Variants in CD5L observed in about 807,000 individuals in gnomAD.
The protein encoded by CD5L is CD5 molecule like, also known as CD5 antigen-like.
In CD5L, 39 loss-of-function variants were observed where a neutral mutation model predicts 40.8. That is an observed-to-expected ratio of 0.96 (90% CI 0.74 to 1.25). The LOEUF (loss-of-function observed/expected upper bound fraction) is 1.25. CD5L is among the 50% of genes most tolerant of loss of function. The pLI, the probability that CD5L is intolerant of heterozygous loss-of-function variation, is 0.00. For synonymous variants in CD5L, 192 were observed against 169.6 expected (o/e 1.13, Z -1.03); for missense variants, 433 against 435.9 (o/e 0.99, Z 0.06).
rs185358423 is a variant in CD5L at position 157,839,215 on chromosome 1, C to T, written c.55+169G>A. On this transcript the variant is annotated intron_variant, in intron 2 of 5. Coordinates refer to ENST00000368174, the MANE Select transcript of CD5L (RefSeq NM_005894.3). ...TAAACCACCCAAACCCTTCTAAATT[C>T]TGGAGGTGGAAATCTGCCCACACAA... Among the ~76,000 whole-genome samples, 402 of 152,282 alleles carry T rather than the reference C, an allele frequency of 2.6e-3. 2 individuals carry two copies. Among genetic ancestry groups the T allele is most frequent in the African/African-American group, 9.4e-3 (392 of 41,558 alleles).
intron 4 of CD5L, among the ~76,000 whole-genome samples, chr1:157,833,883 T>C (rs1391686139): frequency 2.0e-5 from 3 of 151,884 alleles, no homozygotes; most frequent in African/African-American, 7.3e-5. Flanking sequence ...AGTGCTGGTA[T>C]TATAGGCATG....
At position 157,831,659 on chromosome 1, in the gene CD5L, C is replaced by A; in HGVS notation, c.*305G>T. ...GACCAAAGTGACAGGTTTGAGGATTCCAGGCAGCTTGAGAAAAGGCAGGAA... is the reference window on the plus strand; with the variant it reads ...GACCAAAGTGACAGGTTTGAGGATTACAGGCAGCTTGAGAAAAGGCAGGAA... On this transcript the variant is annotated 3_prime_UTR_variant, in exon 6 of 6. Transcript: ENST00000368174. The A allele has an allele frequency of 1.7e-6, 2 of 1,174,088 alleles. No individual in the cohort carries two copies. Among genetic ancestry groups the A allele is most frequent in the South Asian group, 8.4e-5 (2 of 23,822 alleles). The allele number at this position is 1,174,088 out of a possible 1,614,324, so 72.7% of individuals were successfully genotyped here. A position where few individuals can be genotyped will look rare whatever the true frequency, so the allele number is the denominator to read the frequency against.
At position 157,834,847 on chromosome 1, in the gene CD5L, G is replaced by A. The variant is rs955086065; in HGVS notation, c.377-99C>T. 8 of 870,948 alleles carry A rather than the reference G, an allele frequency of 9.2e-6. No individual in the cohort carries two copies. In the African/African-American group the frequency reaches 1.2e-4, roughly 13 times the overall value. The allele number at this position is 870,948 out of a possible 1,614,324, so 54.0% of individuals were successfully genotyped here. A position where few individuals can be genotyped will look rare whatever the true frequency, so the allele number is the denominator to read the frequency against. The stretch of plus-strand genomic sequence containing the variant: ...CACATCTCACAGTTCTTGGTGTTCA[G>A]TACAAGGCATGCTAAAGTGCTTAAC... On this transcript the variant is annotated intron_variant, in intron 3 of 5. Coordinates refer to ENST00000368174, the MANE Select transcript of CD5L (RefSeq NM_005894.3).
chr1:157,829,595 A>G (rs764241946), downstream of CD5L, among the ~76,000 whole-genome samples: 1 of 152,228 alleles, frequency 6.6e-6, no homozygotes, highest in Non-Finnish European at 1.5e-5. Flanking sequence ...TCTGGTCCTT[A>G]TCTTTTCAGA....
chr1:157,836,800 A>C (rs1237473345), intron 2 of CD5L, among the ~76,000 whole-genome samples: 1 of 152,230 alleles, frequency 6.6e-6, no homozygotes, highest in Non-Finnish European at 1.5e-5. Flanking sequence ...TCTCAGGAGA[A>C]ATACAGAGCA....
chr1:157,834,423 C>T lies in CD5L; in HGVS notation c.702G>A (p.Thr234=), dbSNP rs74121553. The change falls in exon 4 of 6, where the codon ACG becomes ACA. Residue 234 remains threonine (T), a synonymous_variant. Transcript: ENST00000368174. ...AGGCATTACCTTCACATTCGACCCA[C>T]GTGTCTTCATCATGGTTGCAGGTGT... is the stretch of plus-strand genomic sequence containing the variant. ...GKNTCNHDED[T]WVECEDPFDL... 9 of 1,613,294 alleles carry T rather than the reference C, an allele frequency of 5.6e-6. No homozygotes were observed. Among genetic ancestry groups the T allele is most frequent in the South Asian group, 3.3e-5 (3 of 91,044 alleles).
In CD5L at chr1:157,833,308, A is replaced by T. The variant is rs1311034733; in HGVS notation, c.923T>A (p.Ile308Asn). The T allele has an allele frequency of 6.2e-7, 1 of 1,614,154 alleles. No homozygotes were observed. The change falls in exon 5 of 6, where the codon ATC becomes AAC. Residue 308 changes from isoleucine to asparagine, a missense_variant. Ile to Asn is a moderately radical substitution (Grantham distance 149, BLOSUM62 -3). Transcript: ENST00000368174. ...TGAGCAACGAACATTATCCAGCCAG[A>T]TGCGGCCAACCCCAGGGCCATAGCA... ...RKCYGPGVGRIWLDNVRCSGE... is the reference protein window; with the variant it reads ...RKCYGPGVGRNWLDNVRCSGE...
intron 3 of CD5L, among the ~76,000 whole-genome samples, chr1:157,835,209 A>G (rs1265012591): frequency 6.6e-6 from 1 of 152,234 alleles, no homozygotes; most frequent in East Asian, 1.9e-4. Context: ...GTTTCCCTAG[A>G]AACAAATTCT....
At chr1:157,827,672 C>T (rs1287471967), downstream of CD5L, among the ~76,000 whole-genome samples, 2 of 152,150 alleles carry the variant, frequency 1.3e-5, no homozygotes, top group Admixed American at 6.5e-5. Context: ...CAAATGCTAA[C>T]TCATCTGGAA....
At position 157,831,262 on chromosome 1, in the gene CD5L, TA is replaced by T; in HGVS notation, c.*701del. 1.0e-6 allele frequency: 1 copy of T among 985,304 alleles called. No homozygotes were observed. The highest frequency in any genetic ancestry group is 1.2e-6 in the Non-Finnish European group (1 of 829,844). The allele number at this position is 985,304 out of a possible 1,614,324, so 61.0% of individuals were successfully genotyped here. ...ATGTCAACCATGTTGGCAGGTTGTA[TA>T]GGGATGGACAACAAAGATTTTTATT... On this transcript the variant is annotated 3_prime_UTR_variant, in exon 6 of 6. Coordinates refer to ENST00000368174, the MANE Select transcript of CD5L (RefSeq NM_005894.3).
In CD5L at chr1:157,831,456, A is replaced by T. The variant is rs1656045592; in HGVS notation, c.*508T>A. ...AAGCTTGAGGAAAAAAAAAAAAAGT[A>T]GTCCAATCAAAAGAATTCTAAACTT... On this transcript the variant is annotated 3_prime_UTR_variant, in exon 6 of 6. Coordinates refer to ENST00000368174, the MANE Select transcript of CD5L (RefSeq NM_005894.3). 6 of 984,984 alleles carry T rather than the reference A, an allele frequency of 6.1e-6. No homozygotes were observed. In the South Asian group the frequency reaches 2.8e-4, roughly 46 times the overall value. 61.0% of individuals were successfully genotyped at this position (984,984 alleles called of 1,614,324 possible). A position where few individuals can be genotyped will look rare whatever the true frequency, so the allele number is the denominator to read the frequency against.
At chr1:157,833,863 G>A (rs896068892) in intron 4 of CD5L, among the ~76,000 whole-genome samples, 2 of 149,854 alleles carry the variant, frequency 1.3e-5, no homozygotes, top group African/African-American at 2.5e-5. Flanking sequence ...CTCCCACCTC[G>A]GCTTCCCATA....
chr1:157,829,947 T>C (rs1656003352), downstream of CD5L, among the ~76,000 whole-genome samples: 1 of 152,212 alleles, frequency 6.6e-6, no homozygotes, highest in Non-Finnish European at 1.5e-5. Context: ...TTCTTACTCA[T>C]ATATCTCTGT....
intron 1 of CD5L, among the ~76,000 whole-genome samples, chr1:157,839,987 A>G (rs1392009223): frequency 6.6e-6 from 1 of 152,252 alleles, no homozygotes; most frequent in African/African-American, 2.4e-5. Flanking sequence ...GCCTGAGAAC[A>G]GCCACATATA....
chr1:157,838,452 C>T (rs1010789521), intron 2 of CD5L, among the ~76,000 whole-genome samples: 2 of 152,002 alleles, frequency 1.3e-5, no homozygotes, highest in Non-Finnish European at 2.9e-5. Flanking sequence ...TCAGGATTAA[C>T]AGGATATTTT....
chr1:157,834,825 A>T, intron 3 of CD5L, 77 bp from the exon 4 acceptor site: 2 of 1,117,594 alleles, frequency 1.8e-6, no homozygotes, highest in Non-Finnish European at 2.6e-6. Flanking sequence ...CAATGGACAC[A>T]TCTCACAGTT....
chr1:157,839,547 C>A lies in CD5L; in HGVS notation c.29-137G>T, dbSNP rs1457371113. The A allele has an allele frequency of 3.6e-5, 30 of 822,514 alleles. No individual in the cohort carries two copies. In the East Asian group the frequency reaches 7.5e-4, roughly 21 times the overall value. The allele number at this position is 822,514 out of a possible 1,614,324, so 51.0% of individuals were successfully genotyped here. ...GCCTCCAATGTCAGTCCTGTTGGGACCTTCTTCTTCTGGGATGACCATCCT... is the reference window on the plus strand; with the variant it reads ...GCCTCCAATGTCAGTCCTGTTGGGAACTTCTTCTTCTGGGATGACCATCCT... On this transcript the variant is annotated intron_variant, in intron 1 of 5. Transcript: ENST00000368174.
At chr1:157,836,976 G>T (rs1656235050) in intron 2 of CD5L, among the ~76,000 whole-genome samples, 1 of 152,188 alleles carries the variant, frequency 6.6e-6, no homozygotes, top group South Asian at 2.1e-4. Context: ...GCTAACAGAG[G>T]TGGGGTGTGA....
chr1:157,835,891 T>C lies in CD5L; in HGVS notation c.320A>G (p.Glu107Gly). Reference protein sequence around the residue: ...TGTEDTLAQCEQEEVYDCSHD... With the variant: ...TGTEDTLAQCGQEEVYDCSHD... Reference sequence around the variant, plus strand: ...TGAACAATCATAAACTTCTTCTTGCTCACACTGAGCCAATGTATCTTCTGT... The same window carrying C: ...TGAACAATCATAAACTTCTTCTTGCCCACACTGAGCCAATGTATCTTCTGT... The change falls in exon 3 of 6, where the codon GAG becomes GGG. Residue 107 changes from glutamate to glycine, a missense_variant. Coordinates refer to ENST00000368174, the MANE Select transcript of CD5L (RefSeq NM_005894.3). 1 of 1,614,202 alleles carries C rather than the reference T, an allele frequency of 6.2e-7. No homozygotes were observed.
Sources: gnomAD v4.1 joint callset for allele counts (sites outside exome capture counted in the v4.1 genomes callset) on GRCh38, gnomAD v4.1.1 for gene constraint, MANE v1.5 for transcripts, NCBI Gene and HGNC (gene_info 2026-07-23, HGNC 2026-07-21) for gene names.